Variants in GPHN observed in about 807,000 individuals in gnomAD.
GPHN encodes the protein gephyrin.
A neutral mutation model predicts 95.5 loss-of-function variants in GPHN; 17 were observed. That is an observed-to-expected ratio of 0.18 (90% CI 0.12 to 0.27). The LOEUF (loss-of-function observed/expected upper bound fraction) is 0.27. GPHN is among the 10% of genes least tolerant of loss of function. The pLI, the probability that GPHN is intolerant of heterozygous loss-of-function variation, is 1.00. For synonymous variants in GPHN, 320 were observed against 322.5 expected (o/e 0.99, Z 0.08); for missense variants, 660 against 978.1 (o/e 0.67, Z 4.34).
At chr14:67,347,475 A>G in the GPHN span, 3 of 1,571,950 alleles carry the variant, frequency 1.9e-6, no homozygotes, top group African/African-American at 2.8e-5. Flanking sequence ...AGAAGCATAC[A>G]TGGATTCATA....
At chr14:67,405,068 T>C in the GPHN span, among the ~76,000 whole-genome samples, 4 of 151,022 alleles carry the variant, frequency 2.6e-5, no homozygotes, top group Non-Finnish European at 5.9e-5. Context: ...ACCCCATCTC[T>C]ACTAAAAATA....
chr14:67,225,965 G>A, the GPHN span, among the ~76,000 whole-genome samples: 7 of 112,576 alleles, frequency 6.2e-5, no homozygotes, highest in Non-Finnish European at 9.4e-5. Flanking sequence ...GTGTGTGTGC[G>A]CGCGCGCGCG....
intron 11 of GPHN, among the ~76,000 whole-genome samples, chr14:67,076,591 A>G (rs2076502458): frequency 6.6e-6 from 1 of 152,148 alleles, no homozygotes. Flanking sequence ...ATGTTTTGAC[A>G]TTGCCTTTTC....
At chr14:67,619,995 C>T in the GPHN span, 2 of 1,606,172 alleles carry the variant, frequency 1.2e-6, no homozygotes, top group East Asian at 2.3e-5. Context: ...TAAGGGGCAG[C>T]CTCTCGCGTC....
intron 8 of GPHN, among the ~76,000 whole-genome samples, chr14:66,964,002 C>T (rs1429954413): frequency 6.6e-6 from 1 of 152,068 alleles, no homozygotes; most frequent in East Asian, 1.9e-4. Context: ...TCAAGTCTTG[C>T]GTGCAAAATT....
intron 4 of GPHN, among the ~76,000 whole-genome samples, chr14:66,860,205 A>G (rs2062971456): frequency 6.6e-6 from 1 of 152,190 alleles, no homozygotes. Context: ...AAGGATAAAG[A>G]AAGAATCCTA....
At chr14:67,074,921 CAGCA>C in intron 11 of GPHN, among the ~76,000 whole-genome samples, 1 of 152,272 alleles carries the variant, frequency 6.6e-6, no homozygotes, top group Non-Finnish European at 1.5e-5. Context: ...CAAGGTGAAG[CAGCA>C]AATACTGATG....
At chr14:66,642,529 C>G (rs887503254) in intron 1 of GPHN, among the ~76,000 whole-genome samples, 1 of 150,440 alleles carries the variant, frequency 6.6e-6, no homozygotes, top group African/African-American at 2.5e-5. Flanking sequence ...CTTAAGAGTA[C>G]GAGCTCAGCA....
intron 11 of GPHN, among the ~76,000 whole-genome samples, chr14:67,070,506 G>C (rs2076244882): frequency 1.3e-5 from 2 of 149,464 alleles, no homozygotes. Context: ...GGCCAGCCTG[G>C]CCAATATGGT....
the GPHN span, chr14:67,383,260 T>C: frequency 1.3e-6 from 2 of 1,573,222 alleles, no homozygotes; most frequent in African/African-American, 2.7e-5. Flanking sequence ...GTATTGAAAT[T>C]AAATTTGTAT....
chr14:66,882,070 T>C (rs1269790080), intron 5 of GPHN, among the ~76,000 whole-genome samples: 3 of 151,928 alleles, frequency 2.0e-5, no homozygotes, highest in African/African-American at 7.2e-5. Context: ...TCTTCCTTTC[T>C]ACAGCCTTTC....
At position 66,800,913 on chromosome 14, in the gene GPHN, C is replaced by T. The variant is rs139334061; in HGVS notation, c.202-23561C>T. Among the ~76,000 whole-genome samples, 1,163 of 152,172 alleles carry T rather than the reference C, an allele frequency of 7.6e-3. 7 individuals are homozygous for T. Among genetic ancestry groups the T allele is most frequent in the African/African-American group, 0.027 (1,110 of 41,514 alleles). ...TTCTTTTGTCTCCTCTGTGTAGTTTCAAATGGCCTGTATTCAAGCTCACTA... is the reference window on the plus strand; with the variant it reads ...TTCTTTTGTCTCCTCTGTGTAGTTTTAAATGGCCTGTATTCAAGCTCACTA... On this transcript the variant is annotated intron_variant, in intron 3 of 22. Transcript: ENST00000478722.
chr14:66,787,611 G>C (rs561553530), intron 3 of GPHN, among the ~76,000 whole-genome samples: 6 of 152,218 alleles, frequency 3.9e-5, no homozygotes, highest in Middle Eastern at 6.8e-3. Context: ...AGATAGTATA[G>C]TATTGGCAGA....
chr14:66,964,030 C>T (rs2069147031), intron 8 of GPHN, among the ~76,000 whole-genome samples: 1 of 152,016 alleles, frequency 6.6e-6, no homozygotes, highest in Non-Finnish European at 1.5e-5. Flanking sequence ...CCTCATGTTC[C>T]CATTCTTAGA....
At chr14:67,358,695 A>AAAAC in the GPHN span, among the ~76,000 whole-genome samples, 1 of 152,186 alleles carries the variant, frequency 6.6e-6, no homozygotes, top group Non-Finnish European at 1.5e-5. Flanking sequence ...GTCTCTTATT[A>AAAAC]AAACAAACAA....
chr14:67,300,245 T>C, the GPHN span, among the ~76,000 whole-genome samples: 19 of 152,098 alleles, frequency 1.2e-4, no homozygotes, highest in African/African-American at 4.1e-4. Context: ...AAAATTATCA[T>C]CTCTTGGGTT....
chr14:66,599,216 G>A (rs761770462), intron 1 of GPHN, among the ~76,000 whole-genome samples: 4 of 151,980 alleles, frequency 2.6e-5, no homozygotes, highest in Non-Finnish European at 5.9e-5. Context: ...TCCATGGGTA[G>A]AGTAGGAAAC....
chr14:66,976,992 G>T (rs1422501194), intron 9 of GPHN, among the ~76,000 whole-genome samples: 1 of 150,610 alleles, frequency 6.6e-6, no homozygotes, highest in Admixed American at 6.6e-5. Flanking sequence ...TCAAATTGAT[G>T]ACTATTTAAA....
At chr14:66,806,439 C>G (rs1472947263) in intron 3 of GPHN, among the ~76,000 whole-genome samples, 1 of 152,176 alleles carries the variant, frequency 6.6e-6, no homozygotes, top group African/African-American at 2.4e-5. Context: ...TGAATTTCTC[C>G]TCAGAAATTC....
Sources: allele counts gnomAD v4.1 joint callset (sites outside exome capture counted in the v4.1 genomes callset), GRCh38; gene constraint gnomAD v4.1.1; transcripts MANE v1.5; gene names NCBI Gene and HGNC (gene_info 2026-07-23, HGNC 2026-07-21).